ACTR3C: variants seen among roughly 807,000 people sequenced by gnomAD.
The protein encoded by ACTR3C is actin-related protein 3C.
A neutral mutation model predicts 26.3 loss-of-function variants in ACTR3C; 18 were observed. The ratio of observed to expected loss-of-function variants is 0.68; its 90% CI spans 0.47 to 1.01. The LOEUF (loss-of-function observed/expected upper bound fraction) is 1.01. ACTR3C is among the 50% of genes least tolerant of loss of function. The pLI, the probability that ACTR3C is intolerant of heterozygous loss-of-function variation, is 0.00. For synonymous variants in ACTR3C, 55 were observed against 94.5 expected, an observed-to-expected ratio of 0.58 and a Z score of 2.42; for missense variants, 184 against 250.7, an observed-to-expected ratio of 0.73 and a Z score of 1.80.
At chr7:150,171,880 C>T in the ACTR3C span, among the ~76,000 whole-genome samples, 91 of 150,806 alleles carry the variant, frequency 6.0e-4, 2 homozygotes, top group Non-Finnish European at 9.6e-4. Context: ...GGCGCAATCC[C>T]GGCTCACTGC....
the ACTR3C span, among the ~76,000 whole-genome samples, chr7:150,193,269 T>C: frequency 6.6e-6 from 1 of 152,138 alleles, no homozygotes; most frequent in South Asian, 2.1e-4. Flanking sequence ...GAATTGTTCA[T>C]TTAATTTCTC....
At chr7:149,916,385 A>AT in the ACTR3C span, among the ~76,000 whole-genome samples, 1 of 146,682 alleles carries the variant, frequency 6.8e-6, no homozygotes, top group South Asian at 2.2e-4. Context: ...TGCTCATTAC[A>AT]TTGCTAATTT....
the ACTR3C span, among the ~76,000 whole-genome samples, chr7:150,011,179 A>G: frequency 6.6e-6 from 1 of 152,204 alleles, no homozygotes; most frequent in Admixed American, 6.5e-5. Flanking sequence ...ATTGGATTCC[A>G]AGGTCTTTGG....
chr7:150,025,466 T>C, the ACTR3C span, among the ~76,000 whole-genome samples: 2 of 151,938 alleles, frequency 1.3e-5, no homozygotes, highest in East Asian at 1.9e-4. Context: ...GCTGCATTTT[T>C]CCCTTGTATC....
At chr7:150,288,381 G>A (rs1229860875) in intron 4 of ACTR3C, among the ~76,000 whole-genome samples, 9 of 145,022 alleles carry the variant, frequency 6.2e-5, no homozygotes, top group Admixed American at 2.0e-4. Flanking sequence ...GACCCTGGGC[G>A]TCAATAACAA....
At chr7:149,983,402 A>G in the ACTR3C span, among the ~76,000 whole-genome samples, 2 of 112,794 alleles carry the variant, frequency 1.8e-5, no homozygotes, top group African/African-American at 3.7e-5. Flanking sequence ...TTGCTATTAT[A>G]TATCTATATG....
the ACTR3C span, among the ~76,000 whole-genome samples, chr7:149,949,416 AAGG>A: frequency 6.8e-6 from 1 of 146,020 alleles, no homozygotes. Context: ...GGAAGGAAGG[AAGG>A]AAGGAAGGAA....
At chr7:150,284,625 A>G (rs11983696) in intron 6 of ACTR3C, 128 bp downstream of exon 6, 60,142 of 797,200 alleles carry the variant, frequency 0.075, 3,001 homozygotes, top group African/African-American at 0.19. Context: ...ATTGTCTTTA[A>G]CAAATCCTAT....
the ACTR3C span, among the ~76,000 whole-genome samples, chr7:149,893,045 A>G: frequency 6.6e-6 from 1 of 152,238 alleles, no homozygotes; most frequent in African/African-American, 2.4e-5. Flanking sequence ...GAATATACTT[A>G]GCAGTAAATA....
chr7:150,034,004 C>T, the ACTR3C span, among the ~76,000 whole-genome samples: 34 of 139,812 alleles, frequency 2.4e-4, no homozygotes, highest in African/African-American at 8.0e-4. Context: ...GGATTGCCTG[C>T]CCCCCTGCGA....
At chr7:150,010,943 G>T in the ACTR3C span, among the ~76,000 whole-genome samples, 2 of 147,306 alleles carry the variant, frequency 1.4e-5, no homozygotes, top group African/African-American at 5.1e-5. Context: ...AGTCAGTCCT[G>T]TGTCAGGGCC....
chr7:150,253,730 C>A (rs920711788), intron 6 of ACTR3C, among the ~76,000 whole-genome samples: 13 of 151,816 alleles, frequency 8.6e-5, no homozygotes, highest in Non-Finnish European at 1.8e-4. Context: ...ACATGTTGAT[C>A]CTTTTTAGTG....
chr7:150,302,532 AG>A (rs1182899687), intron 1 of ACTR3C, among the ~76,000 whole-genome samples: 2 of 151,954 alleles, frequency 1.3e-5, no homozygotes, highest in African/African-American at 4.8e-5. Flanking sequence ...TGTTAAAATA[AG>A]GGTTATGAAA....
chr7:150,199,852 G>C, the ACTR3C span, among the ~76,000 whole-genome samples: 3 of 150,184 alleles, frequency 2.0e-5, no homozygotes, highest in Non-Finnish European at 3.0e-5. Flanking sequence ...ATATCACCTT[G>C]TATACCTTAA....
At chr7:149,921,834 G>A in the ACTR3C span, among the ~76,000 whole-genome samples, 5 of 151,928 alleles carry the variant, frequency 3.3e-5, no homozygotes, top group South Asian at 2.1e-4. Context: ...CCGAGATCAA[G>A]CCACTGCACT....
chr7:149,958,051 G>T, the ACTR3C span, among the ~76,000 whole-genome samples: 369 of 152,272 alleles, frequency 2.4e-3, 5 homozygotes, highest in African/African-American at 8.5e-3. Context: ...TTGGTCATCT[G>T]ATGGCCTGAA....
At chr7:149,923,933 G>T in the ACTR3C span, among the ~76,000 whole-genome samples, 119 of 152,098 alleles carry the variant, frequency 7.8e-4, no homozygotes, top group African/African-American at 2.8e-3. Flanking sequence ...GGAGGTGGAG[G>T]TTGCAGTGAG....
chr7:149,971,477 T>C, the ACTR3C span, among the ~76,000 whole-genome samples: 1 of 152,220 alleles, frequency 6.6e-6, no homozygotes, highest in Non-Finnish European at 1.5e-5. Flanking sequence ...ATCATTTCAT[T>C]AGGTTTCTTA....
chr7:150,156,248 C>T, the ACTR3C span, among the ~76,000 whole-genome samples: 1 of 152,022 alleles, frequency 6.6e-6, no homozygotes, highest in African/African-American at 2.4e-5. Flanking sequence ...CTGTTTGCCG[C>T]TGTGTGTTAA....
Sources: allele counts gnomAD v4.1 joint callset (sites outside exome capture counted in the v4.1 genomes callset), GRCh38; gene constraint gnomAD v4.1.1; transcripts MANE v1.5; gene names NCBI Gene and HGNC (gene_info 2026-07-23, HGNC 2026-07-21).